The following PCDHGA2 variants were observed in gnomAD, a reference collection of about 807,000 sequenced individuals.
PCDHGA2 encodes protocadherin gamma-A2.
A neutral mutation model predicts 59.2 loss-of-function variants in PCDHGA2; 40 were observed. The observed-to-expected ratio is 0.68, with a 90% CI of 0.52 to 0.88. The LOEUF is 0.88. Ranked by LOEUF, PCDHGA2 falls within the 40% of genes least tolerant of loss-of-function variation. The pLI is 0.00. For synonymous variants in PCDHGA2, 560 were observed against 526.0 expected (o/e 1.06, Z -0.89); for missense variants, 1,226 against 1,204.0 (o/e 1.02, Z -0.27).
At chr5:141,419,523 G>C in intron 1 of PCDHGA2, 1 of 1,612,204 alleles carries the variant, frequency 6.2e-7, no homozygotes, top group Non-Finnish European at 8.5e-7. Flanking sequence ...GTGGGCGACC[G>C]TAACGACAAC....
At position 141,491,111 on chromosome 5, in the gene PCDHGA2, A is replaced by G; in HGVS notation, c.2425-3696A>G. 1 of 1,614,162 alleles carries G rather than the reference A, an allele frequency of 6.2e-7. No individual in the cohort carries two copies. Among genetic ancestry groups the G allele is most frequent in the Non-Finnish European group, 8.5e-7 (1 of 1,180,026 alleles). Reference sequence around the variant, plus strand: ...CCAGGACTGTTCCTCGTGTCTACACACACTGGTGAGGTGCGCACAGCCCGG... The same window carrying G: ...CCAGGACTGTTCCTCGTGTCTACACGCACTGGTGAGGTGCGCACAGCCCGG... On this transcript the variant is annotated intron_variant, in intron 1 of 3. Transcript: ENST00000394576. This position sits in a 1 kb window ranked among gnomAD's most constrained non-coding sequence, Gnocchi z 6.9.
intron 1 of PCDHGA2, chr5:141,399,059 A>G (rs769553635): frequency 1.2e-6 from 2 of 1,613,764 alleles, no homozygotes; most frequent in Middle Eastern, 1.6e-4. Context: ...ACCAAGGAAT[A>G]TTCAATGGTT....
At chr5:141,387,570 A>T (rs1490079513) in intron 1 of PCDHGA2, 4 of 455,052 alleles carry the variant, frequency 8.8e-6, no homozygotes, top group Non-Finnish European at 1.2e-5. Flanking sequence ...CACAATTATA[A>T]TTATTGCACT....
rs181587578 is a variant in PCDHGA2, at chr5:141,366,566, G to T, written c.2424+25171G>T. 1.9e-6 allele frequency: 3 copies of T among 1,614,254 alleles called. No homozygotes were observed. The East Asian group carries it at 6.7e-5, about 36-fold the overall frequency. ...CTCGCACTTTGTGGGCGTGGATGGG[G>T]TTCGGGCTTTCCTGCAGACCTATTC... On this transcript the variant is annotated intron_variant, in intron 1 of 3. Coordinates refer to ENST00000394576, the MANE Select transcript of PCDHGA2 (RefSeq NM_018915.4).
At chr5:141,502,484 G>A (rs962659219) in intron 2 of PCDHGA2, among the ~76,000 whole-genome samples, 1 of 152,000 alleles carries the variant, frequency 6.6e-6, no homozygotes. Context: ...CATCACACTG[G>A]GACTCATCTA....
At chr5:141,355,503 C>G in intron 1 of PCDHGA2, 2 of 1,614,064 alleles carry the variant, frequency 1.2e-6, no homozygotes, top group Non-Finnish European at 1.7e-6. Flanking sequence ...GATCTCCAAA[C>G]TGTGTGACAA....
chr5:141,485,174 A>G lies in PCDHGA2; in HGVS notation c.2425-9633A>G. 6.2e-7 allele frequency: 1 copy of G among 1,611,406 alleles called. No individual in the cohort carries two copies. The highest frequency in any genetic ancestry group is 8.5e-7 in the Non-Finnish European group (1 of 1,177,898). ...AGTAGAGAATTAGCGGGCGGCAGCA[A>G]TGCTCCGCAAGGTGAGAAGCTGGAC... On this transcript the variant is annotated intron_variant, in intron 1 of 3. Coordinates refer to ENST00000394576, the MANE Select transcript of PCDHGA2 (RefSeq NM_018915.4). The surrounding 1 kb of genome is among the most constrained non-coding windows in gnomAD (Gnocchi z 5.7).
intron 1 of PCDHGA2, among the ~76,000 whole-genome samples, chr5:141,454,194 G>A (rs949915652): frequency 6.6e-5 from 10 of 152,304 alleles, no homozygotes; most frequent in Non-Finnish European, 4.4e-5. Context: ...CTTAGTGAAG[G>A]TGAATTTATT....
chr5:141,361,254 CAG>C, intron 1 of PCDHGA2: 1 of 1,613,964 alleles, frequency 6.2e-7, no homozygotes, highest in South Asian at 1.1e-5. Flanking sequence ...AAACGAGAGA[CAG>C]AGACTCTGGA....
At chr5:141,342,293 A>G (rs1198190605) in intron 1 of PCDHGA2, 1 of 152,212 alleles carries the variant, frequency 6.6e-6, no homozygotes, top group Non-Finnish European at 1.5e-5. Context: ...GCTGCTAGAA[A>G]TGTTCCCAAT....
chr5:141,399,515 C>A, intron 1 of PCDHGA2: 13 of 1,614,040 alleles, frequency 8.1e-6, no homozygotes, highest in Non-Finnish European at 1.1e-5. Flanking sequence ...AACAACCCTC[C>A]TGGGGCCTCC....
At chr5:141,347,597 G>A (rs2149745917) in intron 1 of PCDHGA2, among the ~76,000 whole-genome samples, 2 of 152,154 alleles carry the variant, frequency 1.3e-5, no homozygotes, top group South Asian at 4.2e-4. Context: ...GAACACCCTG[G>A]CCAACATGGT....
intron 1 of PCDHGA2, chr5:141,390,885 TGTGA>T (rs2092262333): frequency 6.5e-6 from 1 of 152,688 alleles, no homozygotes; most frequent in African/African-American, 2.4e-5. Flanking sequence ...TGTGTGTGTG[TGTGA>T]GAGAGATCCT....
Position 141,427,760 on chromosome 5 carries a change from T to C in PCDHGA2, c.2425-67047T>C, listed in dbSNP as rs1464459008. On this transcript the variant is annotated intron_variant, in intron 1 of 3. Coordinates refer to ENST00000394576, the MANE Select transcript of PCDHGA2 (RefSeq NM_018915.4). The stretch of plus-strand genomic sequence containing the variant: ...AAGTCTCCTACTCCATCGTTACCAC[T>C]GACTTGGAGCTGCGGGCACTGTCGT... The C allele has an allele frequency of 4.4e-6, 6 of 1,360,822 alleles. No individual in the cohort carries two copies. The Admixed American group carries it at 5.1e-5, about 12-fold the overall frequency. 84.3% of individuals were successfully genotyped at this position (1,360,822 alleles called of 1,614,324 possible).
rs70988800 is a variant in PCDHGA2, at chr5:141,379,889, C to CTT, written c.2424+38523_2424+38524dup. On this transcript the variant is annotated intron_variant, in intron 1 of 3. Transcript: ENST00000394576. ...CTTATTTTATGGTCTGTGAAAGCCT[C>CTT]TTTTTTTTTTTTTTTTTTTTTTTTT... Among the ~76,000 whole-genome samples the CTT allele has an allele frequency of 2.1e-3, 106 of 50,824 alleles. 11 individuals carry two copies. Among genetic ancestry groups the CTT allele is most frequent in the East Asian group, 2.5e-3 (4 of 1,606 alleles). 33.3% of individuals were successfully genotyped at this position (50,824 alleles called of 152,430 possible).
At chr5:141,357,636 T>C (rs1760683281) in intron 1 of PCDHGA2, 6 of 1,612,636 alleles carry the variant, frequency 3.7e-6, no homozygotes, top group Non-Finnish European at 4.2e-6. Flanking sequence ...GTCAATCTTA[T>C]AATAGATCAT....
chr5:141,449,842 A>G (rs893220311), intron 1 of PCDHGA2, among the ~76,000 whole-genome samples: 4 of 151,700 alleles, frequency 2.6e-5, no homozygotes, highest in Non-Finnish European at 4.4e-5. Flanking sequence ...TTATATAATT[A>G]AATTTTAATA....
At chr5:141,500,914 G>T (rs1237339394) in intron 2 of PCDHGA2, among the ~76,000 whole-genome samples, 2 of 151,130 alleles carry the variant, frequency 1.3e-5, no homozygotes, top group Non-Finnish European at 2.9e-5. Flanking sequence ...CTGTCTCCAG[G>T]CTGGGGTGCA....
chr5:141,361,737 C>G, intron 1 of PCDHGA2: 1 of 1,613,162 alleles, frequency 6.2e-7, no homozygotes, highest in Non-Finnish European at 8.5e-7. Flanking sequence ...CACTGCAGGC[C>G]CGCGACCAGG....
Sources: gnomAD v4.1 joint callset for allele counts (sites outside exome capture counted in the v4.1 genomes callset) on GRCh38, gnomAD v4.1.1 for gene constraint, Gnocchi (gnomAD v3.1) non-coding constraint, MANE v1.5 for transcripts, NCBI Gene and HGNC (gene_info 2026-07-23, HGNC 2026-07-21) for gene names.